The following IGSF11 variants were observed in gnomAD, a reference collection of about 807,000 sequenced individuals.
The protein encoded by IGSF11 is immunoglobulin superfamily member 11.
In IGSF11, 22 loss-of-function variants were observed where a neutral mutation model predicts 41.0. The observed-to-expected ratio is 0.54, with a 90% CI of 0.38 to 0.77. The LOEUF (loss-of-function observed/expected upper bound fraction) is 0.77, where lower values mean the gene tolerates loss of function less well. IGSF11 is among the 30% of genes least tolerant of loss of function. The pLI, the probability that IGSF11 is intolerant of heterozygous loss-of-function variation, is 0.00. For synonymous variants in IGSF11, 219 were observed against 201.3 expected (o/e 1.09, Z -0.74); for missense variants, 444 against 530.8 (o/e 0.84, Z 1.61).
At chr3:118,921,718 T>G (rs1332062567) in intron 4 of IGSF11, among the ~76,000 whole-genome samples, 1 of 152,168 alleles carries the variant, frequency 6.6e-6, no homozygotes, top group African/African-American at 2.4e-5. Context: ...TTACATACAT[T>G]ATTCTGTTTT....
intron 1 of IGSF11, among the ~76,000 whole-genome samples, chr3:119,046,767 A>G (rs997581691): frequency 6.6e-6 from 1 of 152,104 alleles, no homozygotes; most frequent in African/African-American, 2.4e-5. Flanking sequence ...TTACCCTCAA[A>G]GGGAAGCCCA....
At chr3:119,091,520 A>G (rs1188635036) in intron 1 of IGSF11, among the ~76,000 whole-genome samples, 4 of 152,260 alleles carry the variant, frequency 2.6e-5, no homozygotes, top group African/African-American at 9.6e-5. Flanking sequence ...AATACCACAC[A>G]GCCATAAAAA....
intron 1 of IGSF11, among the ~76,000 whole-genome samples, chr3:119,111,992 T>C (rs1358417092): frequency 6.6e-6 from 1 of 152,226 alleles, no homozygotes; most frequent in East Asian, 1.9e-4. Flanking sequence ...GAGGTGTCAG[T>C]CTGCCCCCAC....
chr3:118,954,718 T>C (rs371010601), intron 1 of IGSF11, among the ~76,000 whole-genome samples: 1 of 152,140 alleles, frequency 6.6e-6, no homozygotes. Context: ...GTAGCATTTT[T>C]AATTTCCTTC....
At position 119,067,940 on chromosome 3, in the gene IGSF11, A is replaced by C. The variant is rs564496749; in HGVS notation, c.49+37204T>G. On this transcript the variant is annotated intron_variant, in intron 1 of 6. Transcript: ENST00000354673. The stretch of plus-strand genomic sequence containing the variant: ...TTTATCTGGCCATTGCAATGGAAAC[A>C]TTGGCCTGCTGCAATCTACATACAT... 1.1e-4 allele frequency among the ~76,000 whole-genome samples: 17 copies of C among 152,362 alleles called. No homozygotes were observed. In the South Asian group the frequency reaches 3.5e-3, roughly 32 times the overall value.
At chr3:118,907,629 C>A (rs1392033630) in intron 4 of IGSF11, among the ~76,000 whole-genome samples, 1 of 152,178 alleles carries the variant, frequency 6.6e-6, no homozygotes, top group African/African-American at 2.4e-5. Flanking sequence ...CTGTTGTGTA[C>A]CACATACACT....
intron 3 of IGSF11, among the ~76,000 whole-genome samples, chr3:118,928,195 T>C (rs1942510116): frequency 6.6e-6 from 1 of 152,222 alleles, no homozygotes; most frequent in Non-Finnish European, 1.5e-5. Flanking sequence ...TTTAATTTGC[T>C]CTCAACAATA....
intron 1 of IGSF11, among the ~76,000 whole-genome samples, chr3:118,966,469 A>G (rs1375058526): frequency 3.3e-5 from 5 of 152,146 alleles, no homozygotes; most frequent in African/African-American, 1.2e-4. Context: ...TATTCTACAT[A>G]AGCTAAATAT....
intron 1 of IGSF11, among the ~76,000 whole-genome samples, chr3:119,060,764 C>T (rs2107452858): frequency 6.6e-6 from 1 of 152,224 alleles, no homozygotes; most frequent in Admixed American, 6.5e-5. Context: ...GAATTAGCAC[C>T]CTGATCAACA....
intron 3 of IGSF11, among the ~76,000 whole-genome samples, chr3:118,927,014 A>G (rs938662034): frequency 1.3e-5 from 2 of 152,194 alleles, no homozygotes; most frequent in African/African-American, 4.8e-5. Flanking sequence ...ACTTTTCAGT[A>G]AATATGTTCA....
chr3:118,905,498 A>G, intron 5 of IGSF11, 98 bp downstream of exon 5: 1 of 1,207,370 alleles, frequency 8.3e-7, no homozygotes, highest in East Asian at 2.4e-5. Context: ...ATCTTCAGAT[A>G]ACCTTAAGAC....
At chr3:119,058,774 C>T (rs1941948863) in intron 1 of IGSF11, among the ~76,000 whole-genome samples, 2 of 152,282 alleles carry the variant, frequency 1.3e-5, no homozygotes, top group Admixed American at 1.3e-4. Flanking sequence ...CACATATACA[C>T]CATGGAATAC....
chr3:118,970,942 T>C (rs77879838), intron 1 of IGSF11, among the ~76,000 whole-genome samples: 3,784 of 152,204 alleles, frequency 0.025, 131 homozygotes, highest in African/African-American at 0.086. Context: ...CACAGCAGCA[T>C]TGGCAGCTGA....
At chr3:118,929,927 TAA>T (rs1214345687) in intron 2 of IGSF11, among the ~76,000 whole-genome samples, 183 bp downstream of exon 2, 1 of 152,172 alleles carries the variant, frequency 6.6e-6, no homozygotes, top group African/African-American at 2.4e-5. Context: ...GTTACCTTTT[TAA>T]AAAGAGGATA....
In IGSF11 at chr3:118,979,324, T is replaced by G. The variant is rs1056115544; in HGVS notation, c.53-49049A>C. Reference sequence around the variant, plus strand: ...ATTGGTGACCTAAAAGAGAATGAGTTAGAAAAACTATTTAATAAAATAACA... The same window carrying G: ...ATTGGTGACCTAAAAGAGAATGAGTGAGAAAAACTATTTAATAAAATAACA... On this transcript the variant is annotated intron_variant, in intron 1 of 6. Coordinates refer to ENST00000393775, the MANE Select transcript of IGSF11 (RefSeq NM_001015887.3). Among the ~76,000 whole-genome samples the G allele has an allele frequency of 3.3e-5, 5 of 152,206 alleles. 1 individual carries two copies. Among genetic ancestry groups the G allele is most frequent in the East Asian group, 1.9e-4 (1 of 5,180 alleles).
At chr3:119,120,600 A>C (rs552155116) in intron 1 of IGSF11, among the ~76,000 whole-genome samples, 2 of 152,360 alleles carry the variant, frequency 1.3e-5, no homozygotes, top group South Asian at 4.1e-4. Context: ...TCAGGGGATC[A>C]GTTTGACCAG....
chr3:119,094,006 GATTTTAA>G (rs2076806584), intron 1 of IGSF11, among the ~76,000 whole-genome samples: 1 of 151,792 alleles, frequency 6.6e-6, no homozygotes, highest in Admixed American at 6.6e-5. Context: ...GATCTTAAGA[GATTTTAA>G]GAGACATTTT....
chr3:118,952,131 T>C (rs916927865), intron 1 of IGSF11, among the ~76,000 whole-genome samples: 3 of 152,142 alleles, frequency 2.0e-5, no homozygotes, highest in African/African-American at 7.2e-5. Context: ...AAACAGTACA[T>C]ATCTTAAAGT....
chr3:119,134,764 A>G (rs2077535685), intron 1 of IGSF11, among the ~76,000 whole-genome samples: 4 of 152,204 alleles, frequency 2.6e-5, no homozygotes, highest in Admixed American at 2.6e-4. Flanking sequence ...ATCCAAAGCA[A>G]AAAGAACAAA....
Sources: allele counts gnomAD v4.1 joint callset (sites outside exome capture counted in the v4.1 genomes callset), GRCh38; gene constraint gnomAD v4.1.1; transcripts MANE v1.5; gene names NCBI Gene and HGNC (gene_info 2026-07-23, HGNC 2026-07-21).